The following SHISA9 variants were observed in gnomAD, a reference collection of about 807,000 sequenced individuals.
The protein encoded by SHISA9 is shisa family member 9.
In SHISA9, 13 loss-of-function variants were observed where a neutral mutation model predicts 38.0. That is an observed-to-expected ratio of 0.34 (90% CI 0.22 to 0.54). The LOEUF is 0.54. Ranked by LOEUF, SHISA9 falls within the 20% of genes least tolerant of loss-of-function variation. SHISA9 has a pLI of 0.91. For missense variants in SHISA9, 538 were observed against 575.8 expected (o/e 0.93, Z 0.67); for synonymous variants, 275 against 242.0 (o/e 1.14, Z -1.27).
chr16:13,222,878 T>A (rs144528006), intron 4 of SHISA9, among the ~76,000 whole-genome samples: 4 of 152,262 alleles, frequency 2.6e-5, no homozygotes, highest in South Asian at 2.1e-4. Flanking sequence ...TTATAATCTT[T>A]ATATTTTCTG....
the SHISA9 span, among the ~76,000 whole-genome samples, chr16:13,405,278 C>A: frequency 6.6e-6 from 1 of 152,142 alleles, no homozygotes. Flanking sequence ...AGGAAGCAGA[C>A]CCCTTCATGC....
chr16:13,321,371 C>T, the SHISA9 span, among the ~76,000 whole-genome samples: 1 of 152,198 alleles, frequency 6.6e-6, no homozygotes, highest in Non-Finnish European at 1.5e-5. Context: ...AATGATTTTT[C>T]TCTGGGAGTC....
intron 2 of SHISA9, among the ~76,000 whole-genome samples, chr16:13,098,511 T>C (rs78759754): frequency 0.015 from 2,275 of 152,274 alleles, 47 homozygotes; most frequent in African/African-American, 0.05. Flanking sequence ...TTTCTGAATC[T>C]TGTTCTCTGC....
the SHISA9 span, among the ~76,000 whole-genome samples, chr16:13,491,817 C>CTTTTTTTTT: frequency 4.3e-5 from 2 of 46,892 alleles, 1 homozygote; most frequent in Non-Finnish European, 7.9e-5. Context: ...TATTTATTGA[C>CTTTTTTTTT]CTTTTTTTTT....
chr16:12,998,546 T>C (rs78511861), intron 2 of SHISA9, among the ~76,000 whole-genome samples: 123 of 152,338 alleles, frequency 8.1e-4, no homozygotes, highest in African/African-American at 2.9e-3. Flanking sequence ...TTATTTATTT[T>C]TGAGACAATG....
the SHISA9 span, among the ~76,000 whole-genome samples, chr16:13,512,640 G>A: frequency 3.1e-3 from 470 of 152,268 alleles, 1 homozygote; most frequent in Non-Finnish European, 5.2e-3. Context: ...AAAACAGGAT[G>A]GTACTGGTAC....
At chr16:13,359,267 G>C in the SHISA9 span, among the ~76,000 whole-genome samples, 1 of 152,106 alleles carries the variant, frequency 6.6e-6, no homozygotes, top group Non-Finnish European at 1.5e-5. Context: ...GATCATTTGA[G>C]GTCAGGAGTT....
intron 2 of SHISA9, among the ~76,000 whole-genome samples, chr16:12,966,934 G>A (rs572450595): frequency 1.3e-5 from 2 of 152,124 alleles, no homozygotes; most frequent in East Asian, 1.9e-4. Context: ...CCATTCAACA[G>A]GTTTCCTGGG....
chr16:13,230,926 A>G (rs1311763524), intron 4 of SHISA9, among the ~76,000 whole-genome samples: 1 of 152,168 alleles, frequency 6.6e-6, no homozygotes, highest in Non-Finnish European at 1.5e-5. Context: ...GAGGATGACC[A>G]GAGGTTACTC....
chr16:13,068,977 ATG>A (rs780702140), intron 2 of SHISA9, among the ~76,000 whole-genome samples: 1 of 151,866 alleles, frequency 6.6e-6, no homozygotes, highest in African/African-American at 2.4e-5. Context: ...GTATGTATAT[ATG>A]TGTGTACATG....
chr16:13,260,703 TG>T, the SHISA9 span, among the ~76,000 whole-genome samples: 1 of 152,214 alleles, frequency 6.6e-6, no homozygotes, highest in Non-Finnish European at 1.5e-5. Flanking sequence ...TGTCTTCTTC[TG>T]AGCCCTCCAA....
intron 2 of SHISA9, among the ~76,000 whole-genome samples, chr16:13,061,245 G>T (rs1334281440): frequency 2.0e-5 from 3 of 152,190 alleles, no homozygotes; most frequent in Non-Finnish European, 4.4e-5. Flanking sequence ...CTGTGCTACA[G>T]CCAGCGATAT....
At chr16:13,187,397 C>A (rs1390822676) in intron 2 of SHISA9, among the ~76,000 whole-genome samples, 2 of 141,504 alleles carry the variant, frequency 1.4e-5, no homozygotes, top group African/African-American at 5.2e-5. Context: ...TGCAGTGGCA[C>A]AATCTCAGCT....
At chr16:13,337,271 G>C in the SHISA9 span, among the ~76,000 whole-genome samples, 3 of 152,274 alleles carry the variant, frequency 2.0e-5, no homozygotes, top group East Asian at 3.9e-4. Context: ...CATGGGAGCA[G>C]TTTCCCCCAT....
At chr16:12,947,308 A>G (rs1017533315) in intron 2 of SHISA9, among the ~76,000 whole-genome samples, 2 of 152,232 alleles carry the variant, frequency 1.3e-5, no homozygotes, top group Non-Finnish European at 2.9e-5. Context: ...GCTATCTGGG[A>G]CAGTAGCTTG....
At chr16:13,247,400 G>A in the SHISA9 span, among the ~76,000 whole-genome samples, 1 of 152,012 alleles carries the variant, frequency 6.6e-6, no homozygotes, top group Non-Finnish European at 1.5e-5. Flanking sequence ...ACCTTGAAAG[G>A]GTTCATAACT....
At chr16:13,015,853 CCTTTCTTT>C (rs201249295) in intron 2 of SHISA9, among the ~76,000 whole-genome samples, 11,752 of 98,228 alleles carry the variant, frequency 0.12, 694 homozygotes, top group Admixed American at 0.16. Context: ...TCTTTCTTTC[CCTTTCTTT>C]CTTTCTTTCT....
At chr16:13,181,266 T>TA (rs1220347242) in intron 2 of SHISA9, among the ~76,000 whole-genome samples, 109 of 83,132 alleles carry the variant, frequency 1.3e-3, no homozygotes, top group African/African-American at 4.8e-3. Context: ...AAAATAAAAT[T>TA]TTATATATAT....
chr16:13,035,373 C>T (rs1165297875), intron 2 of SHISA9, among the ~76,000 whole-genome samples: 2 of 152,172 alleles, frequency 1.3e-5, no homozygotes, highest in African/African-American at 4.8e-5. Flanking sequence ...GTCTTTTTCA[C>T]TCTATCAATC....
Sources: allele counts gnomAD v4.1 joint callset (sites outside exome capture counted in the v4.1 genomes callset), GRCh38; gene constraint gnomAD v4.1.1; transcripts MANE v1.5; gene names NCBI Gene and HGNC (gene_info 2026-07-23, HGNC 2026-07-21).